The following ZMYND11 variants were observed in gnomAD, a reference collection of about 807,000 sequenced individuals.
ZMYND11 encodes zinc finger MYND domain-containing protein 11.
Under a neutral mutation model 84.9 loss-of-function variants are expected in ZMYND11, and 9 were observed. The observed-to-expected ratio is 0.11, with a 90% confidence interval of 0.06 to 0.18. The LOEUF (loss-of-function observed/expected upper bound fraction) is 0.18. Among genes scored for constraint, ZMYND11 ranks in the 10% least tolerant of loss-of-function variants. ZMYND11 has a pLI of 1.00. For synonymous variants in ZMYND11, 250 were observed against 244.1 expected (o/e 1.02, Z -0.23); for missense variants, 409 against 761.0 (o/e 0.54, Z 5.44).
chr10:165,954 A>G (rs987178942), intron 1 of ZMYND11, among the ~76,000 whole-genome samples: 2 of 152,152 alleles, frequency 1.3e-5, no homozygotes, highest in African/African-American at 4.8e-5. Flanking sequence ...ATAAACCCAT[A>G]CATCTATGGC....
upstream of ZMYND11, among the ~76,000 whole-genome samples, chr10:130,557 C>T (rs1355980819): frequency 1.3e-5 from 2 of 152,136 alleles, no homozygotes; most frequent in Non-Finnish European, 2.9e-5. Flanking sequence ...CTCATTTAAT[C>T]CTCTCAATGA....
At chr10:201,605 C>CACACACAT (rs1350740510) in intron 2 of ZMYND11, among the ~76,000 whole-genome samples, 2 of 149,962 alleles carry the variant, frequency 1.3e-5, no homozygotes, top group Non-Finnish European at 3.0e-5. Context: ...CACACACACA[C>CACACACAT]ATTATATATA....
upstream of ZMYND11, among the ~76,000 whole-genome samples, chr10:133,556 T>C (rs1835383670): frequency 6.6e-6 from 1 of 152,220 alleles, no homozygotes; most frequent in Admixed American, 6.5e-5. Context: ...CTGCCACTTC[T>C]TTCCTAAAAG....
intron 2 of ZMYND11, 68 bp from the exon 3 acceptor site, chr10:209,820 TC>T: frequency 6.9e-7 from 1 of 1,453,422 alleles, no homozygotes; most frequent in Non-Finnish European, 9.4e-7. Context: ...ACCACCATTT[TC>T]TTATTTTCAT....
intron 9 of ZMYND11, 100 bp downstream of exon 9, chr10:241,070 TATC>T (rs879411138): frequency 5.8e-6 from 5 of 863,594 alleles, no homozygotes; most frequent in Middle Eastern, 3.0e-4. Flanking sequence ...ATTTTTAAAA[TATC>T]ATAGTATATA....
intron 10 of ZMYND11, 75 bp from the exon 11 acceptor site, chr10:246,691 C>G (rs1415130633): frequency 3.6e-6 from 5 of 1,386,642 alleles, no homozygotes; most frequent in Non-Finnish European, 4.0e-6. Context: ...CAGGCAGGGT[C>G]CACTGAAGCC....
chr10:199,795 C>T (rs1942689808), intron 2 of ZMYND11, among the ~76,000 whole-genome samples: 1 of 151,780 alleles, frequency 6.6e-6, no homozygotes, highest in African/African-American at 2.4e-5. Flanking sequence ...AGTGGATATA[C>T]TTTAACTTAT....
intron 1 of ZMYND11, among the ~76,000 whole-genome samples, chr10:157,779 G>A (rs1489858243): frequency 2.0e-5 from 3 of 152,280 alleles, no homozygotes; most frequent in African/African-American, 4.8e-5. Flanking sequence ...GGTTTCTACT[G>A]TATTTACAAG....
intron 1 of ZMYND11, among the ~76,000 whole-genome samples, chr10:156,280 A>G (rs1841700461): frequency 6.6e-6 from 1 of 152,172 alleles, no homozygotes; most frequent in Admixed American, 6.5e-5. Context: ...ATTTTTCTGT[A>G]TTGTTGCATA....
At position 248,750 on chromosome 10, in the gene ZMYND11, GTAA is replaced by G. The variant is rs1229606310; in HGVS notation, c.1500+147_1501-146del. ...ACCAGTATCTTTTACAGCATTTCAA[GTAA>G]TAATGATACTTTCCTCACCTAAATT... On this transcript the variant is annotated intron_variant, in intron 13 of 14. Coordinates refer to ENST00000381604, the MANE Select transcript of ZMYND11 (RefSeq NM_001370100.5). 1.6e-5 allele frequency: 22 copies of G among 1,386,550 alleles called. No homozygotes were observed. The African/African-American group carries it at 1.7e-4, about 11-fold the overall frequency. 85.9% of individuals were successfully genotyped at this position (1,386,550 alleles called of 1,614,324 possible).
intron 8 of ZMYND11, among the ~76,000 whole-genome samples, 169 bp downstream of exon 8, chr10:240,280 CGGATCACG>C (rs1336710614): frequency 6.6e-6 from 1 of 152,078 alleles, no homozygotes; most frequent in African/African-American, 2.4e-5. Flanking sequence ...CCAAGTTGGG[CGGATCACG>C]AGATCAAGAG....
At chr10:248,314 A>G (rs1952609164) in intron 12 of ZMYND11, 22 bp from the exon 13 acceptor site, 4 of 1,606,740 alleles carry the variant, frequency 2.5e-6, no homozygotes, top group Non-Finnish European at 3.4e-6. Context: ...TTTGGCGTCT[A>G]AACTCTTGTC....
chr10:248,444 T>C lies in ZMYND11; in HGVS notation c.1336T>C (p.Ser446Pro). The change falls in exon 13 of 15, where the codon TCT (serine) becomes CCT (proline). Residue 446 changes from serine to proline, a missense_variant. Transcript: ENST00000381604. ...VSTQTKKLSASSPRMLHRSTQ... is the reference protein window; with the variant it reads ...VSTQTKKLSAPSPRMLHRSTQ... Reference sequence around the variant, plus strand: ...AACTCAGACAAAGAAGTTAAGTGCCTCTTCACCAAGAATGCTGCATCGGAG... The same window carrying C: ...AACTCAGACAAAGAAGTTAAGTGCCCCTTCACCAAGAATGCTGCATCGGAG... 3 of 1,614,150 alleles carry C rather than the reference T, an allele frequency of 1.9e-6. No individual in the cohort carries two copies. The highest frequency in any genetic ancestry group is 2.5e-6 in the Non-Finnish European group (3 of 1,180,028).
chr10:168,380 G>T (rs532210405), intron 1 of ZMYND11, among the ~76,000 whole-genome samples: 1 of 152,168 alleles, frequency 6.6e-6, no homozygotes, highest in South Asian at 2.1e-4. Context: ...GGAGGCTGAG[G>T]TAGGAGGATT....
chr10:194,704 T>A (rs1199631516), intron 2 of ZMYND11, among the ~76,000 whole-genome samples: 1 of 152,214 alleles, frequency 6.6e-6, no homozygotes, highest in Non-Finnish European at 1.5e-5. Context: ...CAATTATAAC[T>A]TCTTTCACAA....
intron 2 of ZMYND11, among the ~76,000 whole-genome samples, chr10:185,256 T>C (rs1377114506): frequency 6.6e-6 from 1 of 152,074 alleles, no homozygotes; most frequent in East Asian, 1.9e-4. Flanking sequence ...CTGTCTTCTG[T>C]AAGGGTCTCG....
chr10:199,324 TCC>T (rs1460106818), intron 2 of ZMYND11, among the ~76,000 whole-genome samples: 6 of 117,136 alleles, frequency 5.1e-5, no homozygotes, highest in Non-Finnish European at 1.0e-4. Flanking sequence ...CCTCCCTCCC[TCC>T]CTCTCTCCCT....
intron 2 of ZMYND11, among the ~76,000 whole-genome samples, chr10:204,842 G>A (rs1210948726): frequency 1.3e-5 from 2 of 151,674 alleles, no homozygotes; most frequent in Non-Finnish European, 2.9e-5. Context: ...CCTAGAATTA[G>A]TATATTATTT....
Position 248,617 on chromosome 10 carries a change from T to A in ZMYND11, c.1500+9T>A, listed in dbSNP as rs1317934991. On this transcript the variant is annotated intron_variant, in intron 13 of 14. Transcript: ENST00000381604. ...GAGAAGCTCTGGAGAAGGTAATGCT[T>A]GTCGCCACTGTGGGTGCCCTGCTGC... 6.3e-7 allele frequency: 1 copy of A among 1,588,796 alleles called. No homozygotes were observed. Among genetic ancestry groups the A allele is most frequent in the Non-Finnish European group, 8.6e-7 (1 of 1,168,608 alleles).
Sources: allele counts gnomAD v4.1 joint callset (sites outside exome capture counted in the v4.1 genomes callset), GRCh38; gene constraint gnomAD v4.1.1; transcripts MANE v1.5; gene names NCBI Gene and HGNC (gene_info 2026-07-23, HGNC 2026-07-21).